Variants in SCLT1 observed in about 807,000 individuals in gnomAD.
SCLT1 encodes sodium channel and clathrin linker 1, also known as sodium channel-associated protein 1.
Under a neutral mutation model 112.8 loss-of-function variants are expected in SCLT1, and 78 were observed. That is an observed-to-expected ratio of 0.69 (90% CI 0.58 to 0.83). The LOEUF (loss-of-function observed/expected upper bound fraction) is 0.83, where lower values mean the gene tolerates loss of function less well. Among genes scored for constraint, SCLT1 ranks in the 40% least tolerant of loss-of-function variants. The pLI, the probability that SCLT1 is intolerant of heterozygous loss-of-function variation, is 0.00. For synonymous variants in SCLT1, 257 were observed against 254.7 expected, an observed-to-expected ratio of 1.01 and a Z score of -0.09; for missense variants, 747 against 770.4, an observed-to-expected ratio of 0.97 and a Z score of 0.36.
intron 20 of SCLT1, among the ~76,000 whole-genome samples, chr4:128,884,884 C>T (rs1444818306): frequency 6.6e-6 from 1 of 152,144 alleles, no homozygotes; most frequent in Non-Finnish European, 1.5e-5. Flanking sequence ...TGGGCTCAAG[C>T]AATCCACCCA....
At chr4:128,925,334 T>C (rs1237589694) in intron 18 of SCLT1, among the ~76,000 whole-genome samples, 1 of 151,928 alleles carries the variant, frequency 6.6e-6, no homozygotes, top group East Asian at 1.9e-4. Flanking sequence ...TTGGAAAAAA[T>C]TTGGCCGTTA....
chr4:129,061,280 G>T (rs1014362136), intron 2 of SCLT1, among the ~76,000 whole-genome samples: 8 of 152,066 alleles, frequency 5.3e-5, no homozygotes, highest in African/African-American at 1.9e-4. Context: ...AGCTTTGGGG[G>T]CATCAGAATA....
chr4:129,010,042 A>G (rs1363044861), intron 5 of SCLT1, among the ~76,000 whole-genome samples: 1 of 152,174 alleles, frequency 6.6e-6, no homozygotes, highest in Non-Finnish European at 1.5e-5. Flanking sequence ...CCAGAATGGT[A>G]TTGCCTAAGT....
In SCLT1 at chr4:128,959,710, T is replaced by C. The variant is rs2126013854; in HGVS notation, c.937A>G (p.Arg313Gly). The C allele has an allele frequency of 6.2e-7, 1 of 1,613,680 alleles. No individual in the cohort carries two copies. The highest frequency in any genetic ancestry group is 8.5e-7 in the Non-Finnish European group (1 of 1,179,708). The change falls in exon 12 of 21, where the codon AGA becomes GGA. Residue 313 changes from arginine (R) to glycine (G), a missense_variant. By Grantham distance (125) the Arg-to-Gly change is moderately radical (BLOSUM62 -2). This residue lies in a region of SCLT1 where 723 missense variants were observed against 721.3 expected (regional missense o/e 1.00). Coordinates refer to ENST00000281142, the MANE Select transcript of SCLT1 (RefSeq NM_144643.4). ...TENTHLEKQT[R>G]ELQAKCNELE... Reference sequence around the variant, plus strand: ...TCATTGCACTTTGCTTGTAGCTCTCTGGTCTGTTTTTCCAGATGTGTATTT... The same window carrying C: ...TCATTGCACTTTGCTTGTAGCTCTCCGGTCTGTTTTTCCAGATGTGTATTT...
intron 2 of SCLT1, among the ~76,000 whole-genome samples, chr4:129,080,297 T>C (rs1012179827): frequency 6.6e-6 from 1 of 152,226 alleles, no homozygotes; most frequent in African/African-American, 2.4e-5. Flanking sequence ...ACTATTATGC[T>C]CTACTTCCCT....
intron 11 of SCLT1, among the ~76,000 whole-genome samples, chr4:128,963,550 A>T (rs1739920738): frequency 6.6e-6 from 1 of 152,178 alleles, no homozygotes. Flanking sequence ...ATGGAAAATC[A>T]TACCTAGTCA....
At chr4:129,058,279 T>TGG (rs1390497266) in intron 2 of SCLT1, among the ~76,000 whole-genome samples, 2 of 152,216 alleles carry the variant, frequency 1.3e-5, no homozygotes, top group Non-Finnish European at 2.9e-5. Context: ...GTGTTTGATT[T>TGG]GTTCTTGCCT....
At chr4:128,910,524 T>G (rs1419643167) in intron 18 of SCLT1, among the ~76,000 whole-genome samples, 1 of 152,218 alleles carries the variant, frequency 6.6e-6, no homozygotes, top group African/African-American at 2.4e-5. Context: ...CAGTATCCCA[T>G]TTGTCATTTA....
At chr4:129,023,586 G>T (rs572732269) in intron 5 of SCLT1, among the ~76,000 whole-genome samples, 16 of 152,324 alleles carry the variant, frequency 1.1e-4, no homozygotes, top group African/African-American at 3.6e-4. Context: ...AACAGCTCGG[G>T]TCTACAGCTC....
At chr4:129,091,468 T>C (rs890693701) in intron 1 of SCLT1, among the ~76,000 whole-genome samples, 4 of 152,024 alleles carry the variant, frequency 2.6e-5, no homozygotes, top group Non-Finnish European at 5.9e-5. Flanking sequence ...GGCTGGATCA[T>C]TCTTATAAAA....
chr4:128,935,459 T>A (rs913468606), intron 18 of SCLT1, among the ~76,000 whole-genome samples: 1 of 152,086 alleles, frequency 6.6e-6, no homozygotes, highest in Non-Finnish European at 1.5e-5. Context: ...TTACCCAAAC[T>A]GAATGTAAAA....
chr4:129,077,927 G>A (rs2125766731), intron 2 of SCLT1, among the ~76,000 whole-genome samples: 1 of 152,304 alleles, frequency 6.6e-6, no homozygotes, highest in Non-Finnish European at 1.5e-5. Context: ...TCCTCATGCT[G>A]TCATATCACC....
intron 3 of SCLT1, among the ~76,000 whole-genome samples, chr4:128,878,283 G>A (rs561393723): frequency 6.6e-6 from 1 of 152,118 alleles, no homozygotes; most frequent in South Asian, 2.1e-4. Context: ...CTACTACTTG[G>A]CTTATATATG....
chr4:129,010,684 C>G (rs1410198012), intron 5 of SCLT1, among the ~76,000 whole-genome samples: 8 of 151,934 alleles, frequency 5.3e-5, no homozygotes, highest in Non-Finnish European at 1.0e-4. Flanking sequence ...TTTATTACAA[C>G]TGGGAATGGG....
At chr4:128,953,920 T>C (rs1036247379) in intron 13 of SCLT1, among the ~76,000 whole-genome samples, 2 of 152,246 alleles carry the variant, frequency 1.3e-5, no homozygotes, top group Middle Eastern at 3.4e-3. Context: ...TATGAAGATA[T>C]TTAAATTAAC....
intron 18 of SCLT1, among the ~76,000 whole-genome samples, chr4:128,915,003 C>T (rs1735369685): frequency 6.6e-6 from 1 of 152,052 alleles, no homozygotes; most frequent in South Asian, 2.1e-4. Context: ...TACTAGAATT[C>T]AAGTTGAAAG....
At chr4:129,072,055 T>C (rs1579931066) in intron 2 of SCLT1, among the ~76,000 whole-genome samples, 1 of 152,172 alleles carries the variant, frequency 6.6e-6, no homozygotes, top group Admixed American at 6.5e-5. Context: ...AAAATGACTG[T>C]ATCTTTCCTT....
At chr4:128,979,895 C>T (rs1365749468) in intron 9 of SCLT1, among the ~76,000 whole-genome samples, 1 of 152,110 alleles carries the variant, frequency 6.6e-6, no homozygotes, top group Non-Finnish European at 1.5e-5. Flanking sequence ...CCACTCTTGA[C>T]CAGTGTGTTC....
chr4:129,025,802 C>A (rs908655319), intron 5 of SCLT1, among the ~76,000 whole-genome samples: 12 of 151,608 alleles, frequency 7.9e-5, no homozygotes, highest in Admixed American at 6.6e-4. Context: ...ATTCAGGAAA[C>A]CCATCTCACG....
Sources: gnomAD v4.1 joint callset for allele counts (sites outside exome capture counted in the v4.1 genomes callset) on GRCh38, gnomAD v4.1.1 for gene constraint, gnomAD v4.1.1 regional missense constraint, MANE v1.5 for transcripts, NCBI Gene and HGNC (gene_info 2026-07-23, HGNC 2026-07-21) for gene names.